Variants in ABL1 observed in about 807,000 individuals in gnomAD.
ABL1 encodes ABL proto-oncogene 1, non-receptor tyrosine kinase.
ABL1 carries 11 observed loss-of-function variants against 94.7 expected under a neutral mutation model. That is an observed-to-expected ratio of 0.12 (90% CI 0.07 to 0.19). ABL1 has a LOEUF of 0.19. Ranked by LOEUF, ABL1 falls within the 10% of genes least tolerant of loss-of-function variation. The probability of loss-of-function intolerance (pLI) is 1.00; values close to 1 mark genes in which losing one functional copy is unlikely to be tolerated. For synonymous variants in ABL1, 656 were observed against 622.4 expected, an observed-to-expected ratio of 1.05 and a Z score of -0.80; for missense variants, 1,082 against 1,489.4, an observed-to-expected ratio of 0.73 and a Z score of 4.50.
chr9:130,714,493 C>A (rs375785012), intron 1 of ABL1: 4 of 1,613,974 alleles, frequency 2.5e-6, no homozygotes, highest in Non-Finnish European at 3.4e-6. Context: ...TGGTTTTCCT[C>A]ATGCATTCAT....
Position 130,884,942 on chromosome 9 carries a change from G to T in ABL1, c.2652G>T (p.Ser884=). The change falls in exon 11 of 11, where the codon TCG becomes TCT. Residue 884 remains serine (S), a synonymous_variant. Transcript: ENST00000318560. This position sits in a 1 kb window ranked among gnomAD's most constrained non-coding sequence, Gnocchi z 5.6. ...RVRRHKHSSE[S]PGRDKGKLSR... is the part of the protein sequence containing the mutation. ...GGAGGCACAAGCACTCCTCTGAGTC[G>T]CCAGGGAGGGACAAGGGGAAATTGT... The T allele has an allele frequency of 1.2e-6, 2 of 1,611,422 alleles. No homozygotes were observed. The highest frequency in any genetic ancestry group is 1.7e-6 in the Non-Finnish European group (2 of 1,179,566).
intron 1 of ABL1, among the ~76,000 whole-genome samples, chr9:130,802,161 C>T (rs768311092): frequency 2.7e-5 from 4 of 146,072 alleles, no homozygotes; most frequent in African/African-American, 5.2e-5. Flanking sequence ...GGTGTGATCA[C>T]GACTCACTGC....
intron 1 of ABL1, among the ~76,000 whole-genome samples, chr9:130,849,186 A>C (rs891821670): frequency 2.6e-5 from 4 of 152,246 alleles, no homozygotes; most frequent in Non-Finnish European, 5.9e-5. Context: ...TGCATGCAGC[A>C]TAAACTAACT....
chr9:130,828,187 C>G (rs1312336009), intron 1 of ABL1, among the ~76,000 whole-genome samples: 1 of 152,084 alleles, frequency 6.6e-6, no homozygotes, highest in Non-Finnish European at 1.5e-5. Context: ...CTCAGCCCCC[C>G]AAGCAACTGG....
intron 1 of ABL1, among the ~76,000 whole-genome samples, chr9:130,796,473 C>T (rs1299381910): frequency 6.6e-6 from 1 of 152,120 alleles, no homozygotes; most frequent in African/African-American, 2.4e-5. Context: ...ATCAATCACA[C>T]CACTGCACGC....
Position 130,862,795 on chromosome 9 carries a change from C to G in ABL1, c.582C>G (p.Thr194=), listed in dbSNP as rs1205914307. The part of the protein sequence containing the change: ...LYVSSESRFN[T]LAELVHHHST... ...TCTCCTCCGAGAGCCGCTTCAACAC[C>G]CTGGCCGAGTTGGTTCATCATCATT... Residue 194 remains threonine (T), a synonymous_variant, in exon 4 of 11, where the codon ACC becomes ACG. Coordinates refer to ENST00000318560, the MANE Select transcript of ABL1 (RefSeq NM_005157.6). This position sits in a 1 kb window ranked among gnomAD's most constrained non-coding sequence, Gnocchi z 5.5. 2 of 1,614,058 alleles carry G rather than the reference C, an allele frequency of 1.2e-6. No individual in the cohort carries two copies. The highest frequency in any genetic ancestry group is 1.7e-5 in the Admixed American group (1 of 60,010).
intron 1 of ABL1, among the ~76,000 whole-genome samples, chr9:130,849,665 G>A (rs1021104464): frequency 6.6e-6 from 1 of 152,068 alleles, no homozygotes; most frequent in African/African-American, 2.4e-5. Context: ...TTACAGGCAT[G>A]CGCCACCATG....
At chr9:130,845,032 T>C (rs2132936823) in intron 1 of ABL1, among the ~76,000 whole-genome samples, 1 of 152,338 alleles carries the variant, frequency 6.6e-6, no homozygotes, top group Non-Finnish European at 1.5e-5. Flanking sequence ...AGGAATTGGC[T>C]CAGTAAAACC....
chr9:130,730,965 A>G (rs1831656805), intron 1 of ABL1, among the ~76,000 whole-genome samples: 1 of 137,984 alleles, frequency 7.2e-6, no homozygotes, highest in Admixed American at 7.2e-5. Context: ...TATTTACATA[A>G]TTATAGCCAT....
chr9:130,851,090 AT>A (rs572144792), intron 1 of ABL1, among the ~76,000 whole-genome samples: 3 of 151,380 alleles, frequency 2.0e-5, no homozygotes, highest in Admixed American at 2.0e-4. Flanking sequence ...CGCCCAGCTA[AT>A]TTTTTTGTAT....
chr9:130,735,515 A>T (rs1419668067), intron 1 of ABL1, among the ~76,000 whole-genome samples: 3 of 151,022 alleles, frequency 2.0e-5, no homozygotes, highest in Non-Finnish European at 4.4e-5. Context: ...TTTTTTGCAA[A>T]TACAAGCAAA....
intron 1 of ABL1, among the ~76,000 whole-genome samples, chr9:130,745,533 C>G (rs559767556): frequency 6.6e-6 from 1 of 151,710 alleles, no homozygotes; most frequent in African/African-American, 2.4e-5. Context: ...GTCTCTCTCT[C>G]CCTCTCCTCT....
intron 1 of ABL1, among the ~76,000 whole-genome samples, chr9:130,738,534 G>C (rs982013793): frequency 4.6e-5 from 7 of 152,126 alleles, no homozygotes; most frequent in Admixed American, 2.0e-4. Flanking sequence ...TAATACAGCA[G>C]GTCCCCAGAT....
At chr9:130,732,601 T>G (rs1465381256) in intron 1 of ABL1, among the ~76,000 whole-genome samples, 1 of 152,182 alleles carries the variant, frequency 6.6e-6, no homozygotes, top group African/African-American at 2.4e-5. Context: ...TCTCCAGGTT[T>G]CTGGTGCTGC....
At position 130,766,267 on chromosome 9, in the gene ABL1, G is replaced by A. The variant is rs538761342; in HGVS notation, c.136+51812G>A. On this transcript the variant is annotated intron_variant, in intron 1 of 10. Coordinates refer to the ABL1 transcript ENST00000372348. ...CGGATGACTGGAGCCTGGAAGGCGG[G>A]TCTTGCTGGGCAGGACAGATGCCTT... is the stretch of plus-strand genomic sequence containing the variant. Among the ~76,000 whole-genome samples the A allele has an allele frequency of 1.2e-4, 18 of 152,354 alleles. No individual in the cohort carries two copies. The South Asian group carries it at 3.1e-3, about 26-fold the overall frequency.
intron 1 of ABL1, among the ~76,000 whole-genome samples, chr9:130,823,977 A>G (rs2132881991): frequency 6.6e-6 from 1 of 152,270 alleles, no homozygotes; most frequent in African/African-American, 2.4e-5. Context: ...TTTACTGTTG[A>G]ATTACACCAG....
At chr9:130,767,655 G>GT (rs1172235664) in intron 1 of ABL1, among the ~76,000 whole-genome samples, 1 of 152,174 alleles carries the variant, frequency 6.6e-6, no homozygotes, top group Admixed American at 6.5e-5. Context: ...TGAATACCGA[G>GT]TTTTAGTTCT....
intron 1 of ABL1, among the ~76,000 whole-genome samples, chr9:130,812,412 A>G (rs1286329003): frequency 6.6e-6 from 1 of 152,074 alleles, no homozygotes; most frequent in Non-Finnish European, 1.5e-5. Flanking sequence ...TGGATAAAAA[A>G]GCAAGACCTA....
chr9:130,869,629 GA>G (rs1831219239), intron 4 of ABL1, among the ~76,000 whole-genome samples: 1 of 152,226 alleles, frequency 6.6e-6, no homozygotes, highest in South Asian at 2.1e-4. Flanking sequence ...AGACCAGGCT[GA>G]AAATTCATAG....
Sources: allele counts gnomAD v4.1 joint callset (sites outside exome capture counted in the v4.1 genomes callset), GRCh38; gene constraint gnomAD v4.1.1; non-coding constraint Gnocchi (gnomAD v3.1); transcripts MANE v1.5; gene names NCBI Gene and HGNC (gene_info 2026-07-23, HGNC 2026-07-21).